The following SLC35F4 variants were observed in gnomAD, a reference collection of about 807,000 sequenced individuals.
SLC35F4 encodes solute carrier family 35 member F4, also known as chromosome 14 open reading frame 36.
In SLC35F4, 24 loss-of-function variants were observed where a neutral mutation model predicts 44.2. The observed-to-expected ratio is 0.54, with a 90% CI of 0.39 to 0.76. The LOEUF (loss-of-function observed/expected upper bound fraction) is 0.76. Ranked by LOEUF, SLC35F4 falls within the 30% of genes least tolerant of loss-of-function variation. The pLI, the probability that SLC35F4 is intolerant of heterozygous loss-of-function variation, is 0.00. For missense variants in SLC35F4, 562 were observed against 586.1 expected, an observed-to-expected ratio of 0.96 and a Z score of 0.42; for synonymous variants, 238 against 223.6, an observed-to-expected ratio of 1.06 and a Z score of -0.57.
At chr14:57,981,181 T>C (rs1435885296) in intron 1 of SLC35F4, among the ~76,000 whole-genome samples, 1 of 152,220 alleles carries the variant, frequency 6.6e-6, no homozygotes, top group Non-Finnish European at 1.5e-5. Flanking sequence ...TCTGGTTTTC[T>C]GAACTGGTTT....
intron 1 of SLC35F4, among the ~76,000 whole-genome samples, chr14:57,943,947 C>T (rs1889961537): frequency 6.6e-6 from 1 of 152,110 alleles, no homozygotes; most frequent in African/African-American, 2.4e-5. Flanking sequence ...CTTTTCTGGA[C>T]CACGCCAATG....
chr14:57,957,128 T>C (rs898783307), intron 1 of SLC35F4, among the ~76,000 whole-genome samples: 1 of 152,248 alleles, frequency 6.6e-6, no homozygotes, highest in African/African-American at 2.4e-5. Flanking sequence ...GATGAGTTCA[T>C]GTCCTTTGCA....
At chr14:57,741,320 CAAAAT>C (rs1039981959) in intron 1 of SLC35F4, among the ~76,000 whole-genome samples, 1 of 152,070 alleles carries the variant, frequency 6.6e-6, no homozygotes, top group Non-Finnish European at 1.5e-5. Flanking sequence ...GAACCCATTG[CAAAAT>C]AAGCTAAAAA....
Position 57,934,415 on chromosome 14 carries a change from T to G in SLC35F4, n.282+47498A>C, listed in dbSNP as rs190742760. Among the ~76,000 whole-genome samples the G allele has an allele frequency of 6.6e-5, 10 of 151,080 alleles. No homozygotes were observed. In the East Asian group the frequency reaches 1.9e-3, roughly 29 times the overall value. ...CCGGAACATGAAGCTACACATTTCA[T>G]AAAAAAGCAAGCAGTATGCATGTTA... On this transcript the variant is annotated intron_variant and non_coding_transcript_variant, in intron 1 of 1. Transcript: ENST00000556568.
intron 1 of SLC35F4, among the ~76,000 whole-genome samples, chr14:57,731,020 GTGGGAAATACCTCT>G: frequency 6.6e-6 from 1 of 152,326 alleles, no homozygotes; most frequent in Admixed American, 6.5e-5. Flanking sequence ...TAAAGTAACA[GTGGGAAATACCTCT>G]TGGGAAGGAG....
At chr14:57,636,180 A>G (rs1295396286) in intron 1 of SLC35F4, among the ~76,000 whole-genome samples, 6 of 152,144 alleles carry the variant, frequency 3.9e-5, no homozygotes, top group Non-Finnish European at 7.4e-5. Flanking sequence ...AATTCTCTGC[A>G]GAAACCCAAC....
intron 1 of SLC35F4, among the ~76,000 whole-genome samples, chr14:57,733,205 T>C (rs1209481354): frequency 6.6e-6 from 1 of 152,166 alleles, no homozygotes; most frequent in Non-Finnish European, 1.5e-5. Flanking sequence ...TCCGGCCTAC[T>C]GATTTGGAAA....
At chr14:57,603,532 G>C (rs1047427827) in intron 1 of SLC35F4, among the ~76,000 whole-genome samples, 3 of 152,146 alleles carry the variant, frequency 2.0e-5, no homozygotes, top group African/African-American at 7.2e-5. Context: ...GTATGACTTG[G>C]TTTCAGCCCA....
intron 1 of SLC35F4, among the ~76,000 whole-genome samples, chr14:57,691,078 T>C (rs1439563008): frequency 2.0e-5 from 3 of 152,072 alleles, no homozygotes; most frequent in African/African-American, 4.8e-5. Flanking sequence ...AGTAATGACA[T>C]CTGATTTATT....
intron 1 of SLC35F4, among the ~76,000 whole-genome samples, chr14:57,850,061 C>T (rs1886424098): frequency 6.6e-6 from 1 of 152,220 alleles, no homozygotes. Context: ...ATACCAGCCA[C>T]TATGCTAATT....
chr14:57,950,546 C>T lies in SLC35F4; in HGVS notation n.282+31367G>A, dbSNP rs778340886. Among the ~76,000 whole-genome samples the T allele has an allele frequency of 3.9e-5, 6 of 152,052 alleles. No individual in the cohort carries two copies. The South Asian group carries it at 1.2e-3, about 32-fold the overall frequency. On this transcript the variant is annotated intron_variant and non_coding_transcript_variant, in intron 1 of 1. Coordinates refer to the SLC35F4 transcript ENST00000556568. ...TCTGGCAATTCAGATTTCTTCTTGG[C>T]TTGGAGCCATTTCTGGGGAGCTAGG... is the stretch of plus-strand genomic sequence containing the variant.
chr14:57,843,911 T>C (rs115804135), intron 1 of SLC35F4, among the ~76,000 whole-genome samples: 5 of 152,032 alleles, frequency 3.3e-5, no homozygotes, highest in African/African-American at 9.7e-5. Flanking sequence ...AAAATATATA[T>C]AGAGAGAGTC....
intron 1 of SLC35F4, among the ~76,000 whole-genome samples, chr14:57,698,284 A>C (rs1355016785): frequency 6.6e-6 from 1 of 152,154 alleles, no homozygotes; most frequent in African/African-American, 2.4e-5. Flanking sequence ...TTACAAACTC[A>C]CTGTGATAAA....
At chr14:57,748,040 C>A (rs992278875) in intron 1 of SLC35F4, among the ~76,000 whole-genome samples, 3 of 152,148 alleles carry the variant, frequency 2.0e-5, no homozygotes, top group Non-Finnish European at 4.4e-5. Flanking sequence ...GATGGAGTGC[C>A]TGCACATGGA....
intron 1 of SLC35F4, among the ~76,000 whole-genome samples, chr14:57,597,094 G>T (rs1016193011): frequency 6.6e-6 from 1 of 152,126 alleles, no homozygotes. Flanking sequence ...TCAGAACATC[G>T]TCTGGGATGT....
At chr14:57,652,684 T>C (rs981858467) in intron 1 of SLC35F4, among the ~76,000 whole-genome samples, 2 of 149,750 alleles carry the variant, frequency 1.3e-5, no homozygotes, top group Non-Finnish European at 3.0e-5. Flanking sequence ...TCTAACAGGA[T>C]AGTAACCCCC....
chr14:57,939,313 C>A (rs1889873722), intron 1 of SLC35F4, among the ~76,000 whole-genome samples: 1 of 152,126 alleles, frequency 6.6e-6, no homozygotes, highest in Non-Finnish European at 1.5e-5. Flanking sequence ...AGCTAGACCT[C>A]AAAGCAGTCC....
chr14:57,738,749 ATAT>A, intron 1 of SLC35F4, among the ~76,000 whole-genome samples: 1 of 1,348 alleles, frequency 7.4e-4, no homozygotes. Flanking sequence ...TTGAATTTTC[ATAT>A]ATATATATAT....
intron 1 of SLC35F4, among the ~76,000 whole-genome samples, chr14:57,703,382 A>G (rs530408481): frequency 9.2e-5 from 14 of 152,318 alleles, no homozygotes; most frequent in African/African-American, 3.4e-4. Flanking sequence ...ATGGCTCTCA[A>G]ATAGCACAGG....
Sources: allele counts gnomAD v4.1 joint callset (sites outside exome capture counted in the v4.1 genomes callset), GRCh38; gene constraint gnomAD v4.1.1; transcripts MANE v1.5; gene names NCBI Gene and HGNC (gene_info 2026-07-23, HGNC 2026-07-21).